The following PTK2B variants were observed in gnomAD, a reference collection of about 807,000 sequenced individuals.
PTK2B encodes protein tyrosine kinase 2 beta.
In PTK2B, 71 loss-of-function variants were observed where a neutral mutation model predicts 142.9. The observed-to-expected ratio is 0.50, with a 90% CI of 0.41 to 0.61. The LOEUF is 0.61. Ranked by LOEUF, PTK2B falls within the 20% of genes least tolerant of loss-of-function variation. The pLI is 0.00. For missense variants in PTK2B, 1,105 were observed against 1,320.4 expected (o/e 0.84, Z 2.53); for synonymous variants, 519 against 503.4 (o/e 1.03, Z -0.42).
chr8:27,321,590 G>A (rs1466736761), upstream of PTK2B, among the ~76,000 whole-genome samples: 7 of 152,182 alleles, frequency 4.6e-5, no homozygotes, highest in African/African-American at 1.7e-4. Context: ...GTCAGGTGGA[G>A]GTGGAAAAGA....
intron 1 of PTK2B, among the ~76,000 whole-genome samples, chr8:27,326,226 A>G (rs78424287): frequency 0.012 from 1,793 of 146,832 alleles, 81 homozygotes; most frequent in Middle Eastern, 0.017. Flanking sequence ...GCTCGTGTGT[A>G]TGTGTGTGTG....
intron 1 of PTK2B, among the ~76,000 whole-genome samples, chr8:27,372,217 A>T (rs1806401583): frequency 6.6e-6 from 1 of 152,218 alleles, no homozygotes; most frequent in Non-Finnish European, 1.5e-5. Context: ...CTTTTAATTA[A>T]AGGGAGTGTA....
At chr8:27,411,456 G>A (rs1044748699) in intron 2 of PTK2B, among the ~76,000 whole-genome samples, 1 of 152,156 alleles carries the variant, frequency 6.6e-6, no homozygotes, top group Admixed American at 6.5e-5. Flanking sequence ...CTATGTGTGT[G>A]CACGAGAGCC....
chr8:27,348,837 C>G (rs1419110327), intron 1 of PTK2B, among the ~76,000 whole-genome samples: 1 of 152,120 alleles, frequency 6.6e-6, no homozygotes. Context: ...TCCCACGCAG[C>G]CCTGCCCTGT....
intron 1 of PTK2B, among the ~76,000 whole-genome samples, chr8:27,345,686 T>C (rs976428883): frequency 1.3e-5 from 2 of 152,230 alleles, no homozygotes; most frequent in African/African-American, 4.8e-5. Context: ...ACTTCTATGC[T>C]GACTTTCTGA....
intron 24 of PTK2B, among the ~76,000 whole-genome samples, chr8:27,449,492 AG>A (rs1284821189): frequency 6.6e-6 from 1 of 152,246 alleles, no homozygotes; most frequent in East Asian, 1.9e-4. Context: ...GCTTGCTAAA[AG>A]TAGATAGAGA....
chr8:27,411,205 C>T (rs529603265), intron 2 of PTK2B, among the ~76,000 whole-genome samples: 3 of 152,248 alleles, frequency 2.0e-5, no homozygotes, highest in Non-Finnish European at 2.9e-5. Context: ...TCAGGGAGCT[C>T]TGGGTGGAGT....
At chr8:27,437,989 C>T (rs1810898747) in intron 18 of PTK2B, 109 bp downstream of exon 18, 1 of 967,798 alleles carries the variant, frequency 1.0e-6, no homozygotes, top group Non-Finnish European at 1.6e-6. Flanking sequence ...GTGTTGGAAT[C>T]CCAGCAATTG....
upstream of PTK2B, chr8:27,322,288 C>T (rs1444928322): frequency 6.6e-6 from 1 of 152,130 alleles, no homozygotes; most frequent in Non-Finnish European, 1.5e-5. Context: ...TGGAGAGATG[C>T]CAGTTACATA....
At position 27,437,262 on chromosome 8, in the gene PTK2B, AAG is replaced by A. The variant is rs78719390; in HGVS notation, c.1426+61_1426+62del. 3.7e-5 allele frequency: 58 copies of A among 1,571,910 alleles called. No individual in the cohort carries two copies. The East Asian group carries it at 1.2e-3, about 33-fold the overall frequency. Reference sequence around the variant, plus strand: ...AAGATGGGAGGGGCTTCAGCCTGGGAAGAGAGGGGTGAACAGTGCAGGGACCC... The same window carrying A: ...AAGATGGGAGGGGCTTCAGCCTGGGAAGAGGGGTGAACAGTGCAGGGACCC... On this transcript the variant is annotated intron_variant, in intron 16 of 30. Coordinates refer to ENST00000346049, the MANE Select transcript of PTK2B (RefSeq NM_173176.3).
intron 1 of PTK2B, among the ~76,000 whole-genome samples, chr8:27,368,094 C>T (rs1442298030): frequency 3.3e-5 from 5 of 152,228 alleles, no homozygotes; most frequent in African/African-American, 1.2e-4. Flanking sequence ...CCCATGCTGC[C>T]CTTGTTAGCA....
At chr8:27,344,183 C>T (rs368060379) in intron 1 of PTK2B, among the ~76,000 whole-genome samples, 1 of 152,140 alleles carries the variant, frequency 6.6e-6, no homozygotes, top group Admixed American at 6.5e-5. Context: ...CCACTTCTCT[C>T]TCCCCAAGAC....
rs1344819838 is a variant in PTK2B, at chr8:27,350,175, T to A, written c.-38+24494T>A. ...GTCATGGATACTTCCATGGTGGCTG[T>A]GTATTTAGTAGCAGCCTAAAAGACA... On this transcript the variant is annotated intron_variant, in intron 1 of 30. Coordinates refer to ENST00000346049, the MANE Select transcript of PTK2B (RefSeq NM_173176.3). Among the ~76,000 whole-genome samples, 3 of 152,336 alleles carry A rather than the reference T, an allele frequency of 2.0e-5. No homozygotes were observed. The East Asian group carries it at 5.8e-4, about 29-fold the overall frequency.
upstream of PTK2B, among the ~76,000 whole-genome samples, chr8:27,324,441 G>A (rs1803306672): frequency 6.6e-6 from 1 of 152,250 alleles, no homozygotes; most frequent in South Asian, 2.1e-4. Flanking sequence ...CGGACCCAGA[G>A]TGACATCCAG....
At chr8:27,316,446 G>A (rs1451775401) in intron 3 of PTK2B, among the ~76,000 whole-genome samples, 3 of 152,154 alleles carry the variant, frequency 2.0e-5, no homozygotes, top group Non-Finnish European at 2.9e-5. Flanking sequence ...CTAACAGGAT[G>A]GAAGAAGATA....
intron 5 of PTK2B, among the ~76,000 whole-genome samples, chr8:27,428,740 C>T (rs951745393): frequency 1.9e-4 from 29 of 152,178 alleles, no homozygotes; most frequent in African/African-American, 6.0e-4. Context: ...AGACATTGCC[C>T]AGTGTTTCAG....
chr8:27,376,719 T>C (rs1806692434), intron 1 of PTK2B, among the ~76,000 whole-genome samples: 1 of 152,206 alleles, frequency 6.6e-6, no homozygotes, highest in African/African-American at 2.4e-5. Flanking sequence ...CACGACAGTT[T>C]ACAAATGCCA....
chr8:27,392,316 T>TG (rs1448636062), intron 1 of PTK2B, among the ~76,000 whole-genome samples: 1 of 151,800 alleles, frequency 6.6e-6, no homozygotes, highest in Middle Eastern at 3.2e-3. Flanking sequence ...CGAGCTTTTT[T>TG]TTTTTTTTTT....
At chr8:27,402,663 T>A (rs986259843) in intron 2 of PTK2B, among the ~76,000 whole-genome samples, 2 of 152,180 alleles carry the variant, frequency 1.3e-5, no homozygotes, top group African/African-American at 4.8e-5. Flanking sequence ...TTCGTAGGGC[T>A]TCCTGGCCAA....
Sources: allele counts gnomAD v4.1 joint callset (sites outside exome capture counted in the v4.1 genomes callset), GRCh38; gene constraint gnomAD v4.1.1; transcripts MANE v1.5; gene names NCBI Gene and HGNC (gene_info 2026-07-23, HGNC 2026-07-21).